The following PPM1E variants were observed in gnomAD, a reference collection of about 807,000 sequenced individuals.
PPM1E encodes the protein protein phosphatase, Mg2+/Mn2+ dependent 1E.
PPM1E carries 20 observed loss-of-function variants against 65.9 expected under a neutral mutation model. The observed-to-expected ratio is 0.30, with a 90% CI of 0.21 to 0.44. PPM1E has a LOEUF of 0.44. Ranked by LOEUF, PPM1E falls within the 20% of genes least tolerant of loss-of-function variation. The probability of loss-of-function intolerance (pLI) is 1.00; values close to 1 mark genes in which losing one functional copy is unlikely to be tolerated. For missense variants in PPM1E, 713 were observed against 953.1 expected (o/e 0.75, Z 3.32); for synonymous variants, 352 against 374.9 (o/e 0.94, Z 0.70).
chr17:58,911,548 A>G (rs2051627396), intron 1 of PPM1E, among the ~76,000 whole-genome samples: 1 of 152,178 alleles, frequency 6.6e-6, no homozygotes, highest in African/African-American at 2.4e-5. Context: ...ATTTAAAAGT[A>G]TCTCTACTGG....
chr17:58,965,885 A>G lies in PPM1E; in HGVS notation c.775A>G (p.Asn259Asp). ...VCIPDFNMLFNLEDQEEQAYF... is the reference protein window; with the variant it reads ...VCIPDFNMLFDLEDQEEQAYF... ...CATTCCTGACTTTAATATGCTCTTC[A>G]ACCTAGAGGTAAAGGGCACTTTCGG... Residue 259 changes from asparagine (N) to aspartate (D), a missense_variant, in exon 3 of 7, where the codon AAC (asparagine) becomes GAC (aspartate). By Grantham distance (23) the Asn-to-Asp change is conservative. This residue lies in a region of PPM1E where 25 missense variants were observed against 73.9 expected (regional missense o/e 0.34). Transcript: ENST00000308249. 1 of 1,614,168 alleles carries G rather than the reference A, an allele frequency of 6.2e-7. No homozygotes were observed.
At chr17:58,936,911 T>C (rs1241618718) in intron 1 of PPM1E, among the ~76,000 whole-genome samples, 2 of 152,208 alleles carry the variant, frequency 1.3e-5, no homozygotes, top group Non-Finnish European at 2.9e-5. Context: ...CCAGCTTTCA[T>C]ATTCAATCCA....
At chr17:58,961,394 C>T (rs957622744) in intron 2 of PPM1E, among the ~76,000 whole-genome samples, 7 of 152,172 alleles carry the variant, frequency 4.6e-5, no homozygotes, top group Admixed American at 2.6e-4. Context: ...AGATGAAGAA[C>T]ATGGACTTTT....
intron 1 of PPM1E, among the ~76,000 whole-genome samples, chr17:58,817,980 C>G (rs559433227): frequency 2.0e-4 from 31 of 152,234 alleles, no homozygotes; most frequent in African/African-American, 7.2e-4. Context: ...ACCTCGTGAT[C>G]CACCCGCCTC....
chr17:58,861,884 G>GCT (rs1567856373), intron 1 of PPM1E, among the ~76,000 whole-genome samples: 1 of 151,876 alleles, frequency 6.6e-6, no homozygotes, highest in Non-Finnish European at 1.5e-5. Flanking sequence ...AGCCTAGATT[G>GCT]CACCACTGCA....
At chr17:58,790,151 T>C (rs1471643575) in intron 1 of PPM1E, among the ~76,000 whole-genome samples, 1 of 152,142 alleles carries the variant, frequency 6.6e-6, no homozygotes, top group African/African-American at 2.4e-5. Flanking sequence ...TTCAAACTCC[T>C]GGGCTCAAGG....
At chr17:58,905,848 A>G (rs1410999208) in intron 1 of PPM1E, among the ~76,000 whole-genome samples, 1 of 152,200 alleles carries the variant, frequency 6.6e-6, no homozygotes. Flanking sequence ...GAGTAATGGT[A>G]GTCTCAGAGA....
At chr17:58,974,578 A>G (rs760671813) in intron 6 of PPM1E, among the ~76,000 whole-genome samples, 8 of 152,118 alleles carry the variant, frequency 5.3e-5, no homozygotes, top group Non-Finnish European at 1.0e-4. Flanking sequence ...GCTTAGCTTC[A>G]CTTCCTGTTT....
At chr17:58,882,641 T>TG in intron 1 of PPM1E, among the ~76,000 whole-genome samples, 1 of 152,180 alleles carries the variant, frequency 6.6e-6, no homozygotes, top group Non-Finnish European at 1.5e-5. Context: ...TCCGCTCACC[T>TG]CAGCCTCCCA....
At chr17:58,927,924 A>T (rs907569404) in intron 1 of PPM1E, among the ~76,000 whole-genome samples, 6 of 151,952 alleles carry the variant, frequency 3.9e-5, no homozygotes, top group South Asian at 2.1e-4. Flanking sequence ...GCTGGGCGTG[A>T]TGGTGGGTGC....
intron 1 of PPM1E, among the ~76,000 whole-genome samples, chr17:58,904,619 G>T (rs1296786474): frequency 6.6e-6 from 1 of 152,102 alleles, no homozygotes; most frequent in Non-Finnish European, 1.5e-5. Flanking sequence ...TGACAATATT[G>T]AGTCTCCCAA....
chr17:58,794,221 A>G (rs1386143013), intron 1 of PPM1E, among the ~76,000 whole-genome samples: 1 of 152,094 alleles, frequency 6.6e-6, no homozygotes, highest in African/African-American at 2.4e-5. Context: ...CTGGGATTAC[A>G]GGCAGGAGCC....
At chr17:58,954,863 G>A (rs2029865852) in intron 1 of PPM1E, among the ~76,000 whole-genome samples, 1 of 129,552 alleles carries the variant, frequency 7.7e-6, no homozygotes, top group South Asian at 2.6e-4. Flanking sequence ...CTAGGCAACA[G>A]AGCAAGAGTC....
intron 1 of PPM1E, among the ~76,000 whole-genome samples, chr17:58,847,269 G>C (rs561944209): frequency 6.6e-6 from 1 of 152,210 alleles, no homozygotes; most frequent in East Asian, 1.9e-4. Flanking sequence ...AAGCTCTTTA[G>C]TTTAATTAGA....
intron 1 of PPM1E, among the ~76,000 whole-genome samples, chr17:58,826,977 A>C (rs1166017678): frequency 6.6e-6 from 1 of 151,860 alleles, no homozygotes; most frequent in Admixed American, 6.6e-5. Flanking sequence ...AGCTTTACTT[A>C]TAGGAATGAT....
chr17:58,789,644 CTATTTGAACAAAAGGCATCTT>C (rs1377138876), intron 1 of PPM1E, among the ~76,000 whole-genome samples: 2 of 151,932 alleles, frequency 1.3e-5, no homozygotes, highest in Non-Finnish European at 2.9e-5. Context: ...CAGCTGCCTG[CTATTTGAACAAAAGGCATCTT>C]TATTTTCATT....
intron 1 of PPM1E, among the ~76,000 whole-genome samples, chr17:58,786,515 T>C (rs1000471288): frequency 6.6e-6 from 1 of 152,188 alleles, no homozygotes; most frequent in African/African-American, 2.4e-5. Flanking sequence ...ATGCACAGCA[T>C]AGATACACTG....
chr17:58,897,329 G>T (rs973196238), intron 1 of PPM1E, among the ~76,000 whole-genome samples: 2 of 151,844 alleles, frequency 1.3e-5, no homozygotes, highest in Non-Finnish European at 2.9e-5. Flanking sequence ...CAGGAGAATG[G>T]CGTGAACCTG....
chr17:58,919,025 C>T (rs2051718912), intron 1 of PPM1E, among the ~76,000 whole-genome samples: 1 of 152,108 alleles, frequency 6.6e-6, no homozygotes, highest in Non-Finnish European at 1.5e-5. Context: ...AAACCCCAAA[C>T]ATTCTGTACT....
Sources: gnomAD v4.1 joint callset for allele counts (sites outside exome capture counted in the v4.1 genomes callset) on GRCh38, gnomAD v4.1.1 for gene constraint, gnomAD v4.1.1 regional missense constraint, MANE v1.5 for transcripts, NCBI Gene and HGNC (gene_info 2026-07-23, HGNC 2026-07-21) for gene names.